TNFSF4: variants seen among roughly 807,000 people sequenced by gnomAD.
TNFSF4 encodes the protein TNF superfamily member 4.
TNFSF4 carries 4 observed loss-of-function variants against 7.3 expected under a neutral mutation model. The ratio of observed to expected loss-of-function variants is 0.55; its 90% CI spans 0.27 to 1.25. TNFSF4 has a LOEUF of 1.25. TNFSF4 is among the 50% of genes most tolerant of loss of function. TNFSF4 has a pLI of 0.12. For synonymous variants in TNFSF4, 76 were observed against 83.7 expected (o/e 0.91, Z 0.50); for missense variants, 181 against 208.8 (o/e 0.87, Z 0.82).
At chr1:173,371,635 C>T in the TNFSF4 span, among the ~76,000 whole-genome samples, 2 of 152,158 alleles carry the variant, frequency 1.3e-5, no homozygotes, top group African/African-American at 4.8e-5. Flanking sequence ...CCCTGCCACA[C>T]CCCAAATCTA....
the TNFSF4 span, among the ~76,000 whole-genome samples, chr1:173,383,642 C>A: frequency 6.6e-6 from 1 of 152,064 alleles, no homozygotes; most frequent in African/African-American, 2.4e-5. Flanking sequence ...ATAAGAAAAT[C>A]TTGAATTCCC....
chr1:173,388,616 T>G, the TNFSF4 span, among the ~76,000 whole-genome samples: 1 of 152,330 alleles, frequency 6.6e-6, no homozygotes, highest in East Asian at 1.9e-4. Context: ...GCAGCAAACA[T>G]GAGGATCCAG....
Position 173,186,490 on chromosome 1 carries a change from T to C in TNFSF4, c.*26A>G. 1 of 1,566,544 alleles carries C rather than the reference T, an allele frequency of 6.4e-7. No homozygotes were observed. The highest frequency in any genetic ancestry group is 8.7e-7 in the Non-Finnish European group (1 of 1,147,600). On this transcript the variant is annotated 3_prime_UTR_variant, in exon 3 of 3. Coordinates refer to ENST00000281834, the MANE Select transcript of TNFSF4 (RefSeq NM_003326.5). ...CCAGCTTGGTGTTCATGCTGGTGCC[T>C]GGTTTTAGATATTGCCATCAGCCCC...
chr1:173,410,563 C>T, the TNFSF4 span, among the ~76,000 whole-genome samples: 1 of 152,216 alleles, frequency 6.6e-6, no homozygotes, highest in Non-Finnish European at 1.5e-5. Flanking sequence ...CTACCTTCCT[C>T]TCACAATGGG....
At chr1:173,194,434 A>T in intron 1 of TNFSF4, among the ~76,000 whole-genome samples, 1 of 152,262 alleles carries the variant, frequency 6.6e-6, no homozygotes, top group East Asian at 1.9e-4. Flanking sequence ...ATAACATTTC[A>T]AAGAACAGAA....
At chr1:173,313,274 A>G in the TNFSF4 span, among the ~76,000 whole-genome samples, 1 of 152,052 alleles carries the variant, frequency 6.6e-6, no homozygotes, top group African/African-American at 2.4e-5. Flanking sequence ...GATGTTTTAT[A>G]TGGATATATT....
the TNFSF4 span, among the ~76,000 whole-genome samples, chr1:173,275,149 C>T: frequency 6.6e-6 from 1 of 152,108 alleles, no homozygotes; most frequent in Non-Finnish European, 1.5e-5. Context: ...GCAGCACAAG[C>T]TCCGTGTTCT....
chr1:173,252,573 T>C, the TNFSF4 span, among the ~76,000 whole-genome samples: 6 of 152,260 alleles, frequency 3.9e-5, no homozygotes, highest in South Asian at 2.1e-4. Context: ...GAAGAACGTT[T>C]ACTTGCCTTG....
At chr1:173,430,964 A>C in the TNFSF4 span, among the ~76,000 whole-genome samples, 1 of 152,352 alleles carries the variant, frequency 6.6e-6, no homozygotes, top group East Asian at 1.9e-4. Context: ...TTGTCATGCA[A>C]ATAAGCAGCC....
the TNFSF4 span, among the ~76,000 whole-genome samples, chr1:173,351,398 T>C: frequency 5.3e-5 from 8 of 152,198 alleles, no homozygotes; most frequent in Admixed American, 3.9e-4. Flanking sequence ...TGTCACAACA[T>C]TTCTCACACA....
the TNFSF4 span, among the ~76,000 whole-genome samples, chr1:173,315,168 C>T: frequency 6.6e-6 from 1 of 152,098 alleles, no homozygotes; most frequent in Non-Finnish European, 1.5e-5. Context: ...TTTGAAATTA[C>T]AAACATTTAA....
chr1:173,324,211 A>C, the TNFSF4 span, among the ~76,000 whole-genome samples: 6 of 152,230 alleles, frequency 3.9e-5, no homozygotes, highest in Non-Finnish European at 7.3e-5. Context: ...CCAATATTCA[A>C]CATTCTTAAA....
chr1:173,363,503 A>G, the TNFSF4 span: 2 of 438,478 alleles, frequency 4.6e-6, no homozygotes, highest in East Asian at 1.2e-4. Flanking sequence ...TCAAGTTCCA[A>G]GCATCAAATC....
chr1:173,324,878 C>A, the TNFSF4 span, among the ~76,000 whole-genome samples: 2 of 152,164 alleles, frequency 1.3e-5, no homozygotes, highest in Admixed American at 6.5e-5. Flanking sequence ...TCCTTAGTGA[C>A]CTACAAAGAG....
At chr1:173,247,745 C>T in the TNFSF4 span, among the ~76,000 whole-genome samples, 1 of 152,106 alleles carries the variant, frequency 6.6e-6, no homozygotes, top group East Asian at 1.9e-4. Flanking sequence ...AAACTTGATC[C>T]TACTTGTCAT....
the TNFSF4 span, among the ~76,000 whole-genome samples, chr1:173,355,315 T>A: frequency 1.3e-5 from 2 of 152,170 alleles, no homozygotes; most frequent in Non-Finnish European, 2.9e-5. Context: ...CTATATAAGG[T>A]AACAAAATCA....
the TNFSF4 span, among the ~76,000 whole-genome samples, chr1:173,283,179 G>T: frequency 3.9e-5 from 6 of 152,162 alleles, no homozygotes; most frequent in Non-Finnish European, 7.3e-5. Context: ...TACATACTCT[G>T]AAGGACTCTC....
At chr1:173,372,269 G>A in the TNFSF4 span, among the ~76,000 whole-genome samples, 1 of 152,050 alleles carries the variant, frequency 6.6e-6, no homozygotes, top group East Asian at 1.9e-4. Context: ...GCTGACTATG[G>A]ATCCCCGGAT....
At chr1:173,376,910 A>G in the TNFSF4 span, among the ~76,000 whole-genome samples, 1 of 152,104 alleles carries the variant, frequency 6.6e-6, no homozygotes, top group African/African-American at 2.4e-5. Context: ...GAGACCACAA[A>G]CCCAGAGGGA....
Sources: gnomAD v4.1 joint callset for allele counts (sites outside exome capture counted in the v4.1 genomes callset) on GRCh38, gnomAD v4.1.1 for gene constraint, MANE v1.5 for transcripts, NCBI Gene and HGNC (gene_info 2026-07-23, HGNC 2026-07-21) for gene names.